ZNF475: variants seen among roughly 807,000 people sequenced by gnomAD.
ZNF475 encodes zinc finger protein 475.
chr5:122,166,690 A>C, the ZNF475 span, among the ~76,000 whole-genome samples: 2 of 152,226 alleles, frequency 1.3e-5, no homozygotes, highest in African/African-American at 4.8e-5. Flanking sequence ...ATGGCTGCAC[A>C]GTATTCCATG....
the ZNF475 span, among the ~76,000 whole-genome samples, chr5:122,164,982 G>A: frequency 1.3e-5 from 2 of 152,124 alleles, no homozygotes; most frequent in African/African-American, 2.4e-5. Context: ...GATGAAAGGG[G>A]CAAAAAGAAA....
At chr5:122,161,468 T>A in the ZNF475 span, among the ~76,000 whole-genome samples, 4 of 152,208 alleles carry the variant, frequency 2.6e-5, no homozygotes, top group African/African-American at 7.2e-5. Flanking sequence ...GGAAAATTTT[T>A]AAAAAATATC....
At chr5:122,161,548 G>T in the ZNF475 span, among the ~76,000 whole-genome samples, 8 of 151,888 alleles carry the variant, frequency 5.3e-5, no homozygotes, top group African/African-American at 1.9e-4. Flanking sequence ...TCCTTTTTTT[G>T]GCCTCTGCTC....
At chr5:122,172,006 A>G in the ZNF475 span, among the ~76,000 whole-genome samples, 1 of 152,128 alleles carries the variant, frequency 6.6e-6, no homozygotes, top group East Asian at 1.9e-4. Flanking sequence ...TGGTCTCCCA[A>G]AGTGCTGGGA....
At chr5:122,168,334 G>C in the ZNF475 span, among the ~76,000 whole-genome samples, 1 of 135,616 alleles carries the variant, frequency 7.4e-6, no homozygotes, top group Non-Finnish European at 1.5e-5. Flanking sequence ...CACTACACCT[G>C]GCCACATTCA....
chr5:122,181,190 C>T, the ZNF475 span, among the ~76,000 whole-genome samples: 2 of 152,096 alleles, frequency 1.3e-5, no homozygotes, highest in African/African-American at 2.4e-5. Context: ...GATGCCCTTC[C>T]TCTCTAGGTA....
At chr5:122,166,790 A>G in the ZNF475 span, among the ~76,000 whole-genome samples, 1 of 152,236 alleles carries the variant, frequency 6.6e-6, no homozygotes, top group Non-Finnish European at 1.5e-5. Flanking sequence ...ATAGTGCTGC[A>G]ATAAACATAC....
At chr5:122,177,304 G>A in the ZNF475 span, among the ~76,000 whole-genome samples, 1 of 152,206 alleles carries the variant, frequency 6.6e-6, no homozygotes, top group African/African-American at 2.4e-5. Flanking sequence ...ATCCCAATGT[G>A]GGCGGGCATA....
chr5:122,170,817 C>A, the ZNF475 span, among the ~76,000 whole-genome samples: 9 of 151,908 alleles, frequency 5.9e-5, no homozygotes, highest in Admixed American at 5.2e-4. Flanking sequence ...GCTGTCTGGG[C>A]GGTCCTAGCC....
chr5:122,169,937 T>C, the ZNF475 span, among the ~76,000 whole-genome samples: 3 of 152,186 alleles, frequency 2.0e-5, no homozygotes, highest in Admixed American at 1.3e-4. Flanking sequence ...TATCTTATGG[T>C]GGAAATGAAC....
chr5:122,163,181 C>G, the ZNF475 span: 1 of 152,220 alleles, frequency 6.6e-6, no homozygotes, highest in Admixed American at 6.5e-5. Context: ...AGACCCAACT[C>G]TCTGCAACAG....
the ZNF475 span, among the ~76,000 whole-genome samples, chr5:122,168,286 C>T: frequency 2.6e-5 from 4 of 152,162 alleles, no homozygotes; most frequent in Non-Finnish European, 4.4e-5. Flanking sequence ...TCAGGTGATC[C>T]GCCCGCCTCG....
chr5:122,161,139 T>C, the ZNF475 span, among the ~76,000 whole-genome samples: 1 of 152,220 alleles, frequency 6.6e-6, no homozygotes, highest in Non-Finnish European at 1.5e-5. Flanking sequence ...GTAGTGCTCC[T>C]CTCCCTTACA....
At chr5:122,179,840 C>T in the ZNF475 span, 1 of 741,904 alleles carries the variant, frequency 1.3e-6, no homozygotes, top group Admixed American at 3.6e-5. Context: ...AAATCAACAA[C>T]ATTTCTTGCC....
chr5:122,169,818 T>C, the ZNF475 span, among the ~76,000 whole-genome samples: 1 of 152,232 alleles, frequency 6.6e-6, no homozygotes, highest in South Asian at 2.1e-4. Flanking sequence ...ATAAGATGAC[T>C]AGTACCATAC....
the ZNF475 span, among the ~76,000 whole-genome samples, chr5:122,176,333 A>T: frequency 1.3e-5 from 2 of 152,150 alleles, no homozygotes; most frequent in Non-Finnish European, 2.9e-5. Context: ...GAAATAAATG[A>T]ATACTGAATT....
the ZNF475 span, among the ~76,000 whole-genome samples, chr5:122,171,831 T>A: frequency 8.6e-5 from 13 of 151,980 alleles, no homozygotes; most frequent in African/African-American, 2.9e-4. Context: ...CTCAACCTCC[T>A]GGGCTCAGGT....
chr5:122,169,400 G>A, the ZNF475 span, among the ~76,000 whole-genome samples: 1 of 152,178 alleles, frequency 6.6e-6, no homozygotes, highest in Non-Finnish European at 1.5e-5. Context: ...TAACTAAGGA[G>A]AGTTAAGGAT....
At chr5:122,176,183 G>T in the ZNF475 span, among the ~76,000 whole-genome samples, 1 of 152,026 alleles carries the variant, frequency 6.6e-6, no homozygotes, top group Non-Finnish European at 1.5e-5. Context: ...CTTTCTCTGT[G>T]TTTTCTGGCT....
Sources: allele counts gnomAD v4.1 joint callset (sites outside exome capture counted in the v4.1 genomes callset), GRCh38; gene constraint gnomAD v4.1.1; transcripts MANE v1.5; gene names NCBI Gene and HGNC (gene_info 2026-07-23, HGNC 2026-07-21).